The following UBE2R2 variants were observed in gnomAD, a reference collection of about 807,000 sequenced individuals.
The protein encoded by UBE2R2 is ubiquitin-conjugating enzyme E2 R2.
In UBE2R2, 1 loss-of-function variant was observed where a neutral mutation model predicts 27.8. The observed-to-expected ratio is 0.04, with a 90% CI of 0.01 to 0.17. The LOEUF is 0.17. Among genes scored for constraint, UBE2R2 ranks in the 10% least tolerant of loss-of-function variants. The pLI is 1.00. For synonymous variants in UBE2R2, 106 were observed against 113.3 expected (o/e 0.94, Z 0.41); for missense variants, 100 against 291.0 (o/e 0.34, Z 4.78).
intron 1 of UBE2R2, 60 bp downstream of exon 1, chr9:33,817,994 C>T (rs1363445787): frequency 6.4e-7 from 1 of 1,570,762 alleles, no homozygotes; most frequent in Non-Finnish European, 8.6e-7. Context: ...CTCCCCGCCG[C>T]TTTCTGCAGT....
In UBE2R2 at chr9:33,817,286, A is replaced by C. The variant is rs1162337064; in HGVS notation, c.-472A>C. ...GACCCCCGCACGCCGCTCTCCCCCC[A>C]CCCTCTCCTGCCCCGCGCGCCCTCC... is the stretch of plus-strand genomic sequence containing the variant. On this transcript the variant is annotated 5_prime_UTR_variant, in exon 1 of 5. Coordinates refer to ENST00000263228, the MANE Select transcript of UBE2R2 (RefSeq NM_017811.4). Among the ~76,000 whole-genome samples, 6 of 34,876 alleles carry C rather than the reference A, an allele frequency of 1.7e-4. No individual in the cohort carries two copies. Among genetic ancestry groups the C allele is most frequent in the Admixed American group, 3.2e-4 (1 of 3,092 alleles). 22.9% of individuals were successfully genotyped at this position (34,876 alleles called of 152,430 possible). A position where few individuals can be genotyped will look rare whatever the true frequency, so the allele number is the denominator to read the frequency against.
intron 1 of UBE2R2, among the ~76,000 whole-genome samples, chr9:33,821,620 A>ATT (rs879400460): frequency 6.9e-6 from 1 of 145,948 alleles, no homozygotes; most frequent in African/African-American, 2.5e-5. Flanking sequence ...ACAAAAAAAA[A>ATT]TTTTTTTTTT....
chr9:33,885,263 TTA>T (rs1218496136), intron 1 of UBE2R2, among the ~76,000 whole-genome samples: 1 of 152,226 alleles, frequency 6.6e-6, no homozygotes, highest in East Asian at 1.9e-4. Flanking sequence ...TGTCATGGTA[TTA>T]TAGACTCACA....
chr9:33,884,390 C>G (rs1356633486), intron 1 of UBE2R2, among the ~76,000 whole-genome samples: 1 of 149,894 alleles, frequency 6.7e-6, no homozygotes, highest in East Asian at 2.0e-4. Context: ...CTCAAGTGAT[C>G]CTCCCACCTC....
At chr9:33,864,381 T>C (rs926652569) in intron 1 of UBE2R2, among the ~76,000 whole-genome samples, 1 of 152,118 alleles carries the variant, frequency 6.6e-6, no homozygotes, top group Admixed American at 6.5e-5. Flanking sequence ...TCATGAGTTA[T>C]ATATATGTAA....
At chr9:33,816,036 T>G, upstream of UBE2R2, among the ~76,000 whole-genome samples, 1 of 152,120 alleles carries the variant, frequency 6.6e-6, no homozygotes, top group South Asian at 2.1e-4. Flanking sequence ...ATCGCGCCAC[T>G]GTGCTACAGC....
At chr9:33,907,436 G>C (rs897703054) in intron 3 of UBE2R2, among the ~76,000 whole-genome samples, 1 of 152,196 alleles carries the variant, frequency 6.6e-6, no homozygotes, top group African/African-American at 2.4e-5. Context: ...AATGGTGGCA[G>C]TGGGAATTGT....
rs139920778 is a variant in UBE2R2 at position 33,888,378 on chromosome 9, G to A, written c.264+1411G>A. Among the ~76,000 whole-genome samples the A allele has an allele frequency of 2.0e-3, 297 of 151,970 alleles. 1 individual carries two copies. Among genetic ancestry groups the A allele is most frequent in the Middle Eastern group, 0.014 (4 of 292 alleles). ...GGTTTTGCAGTGGTCTCATTTTTTC[G>A]TAGCAGCATCCCAAGCATTGAAATT... On this transcript the variant is annotated intron_variant, in intron 2 of 4. Transcript: ENST00000263228.
chr9:33,827,349 A>C (rs1820336830), intron 1 of UBE2R2, among the ~76,000 whole-genome samples: 1 of 152,022 alleles, frequency 6.6e-6, no homozygotes, highest in Admixed American at 6.6e-5. Flanking sequence ...AGTTAAATTA[A>C]AAATAAATAG....
At chr9:33,903,591 C>T (rs1039778221) in intron 3 of UBE2R2, among the ~76,000 whole-genome samples, 3 of 152,060 alleles carry the variant, frequency 2.0e-5, no homozygotes, top group African/African-American at 7.2e-5. Context: ...TGTCATTTGC[C>T]TTATCTCAGC....
chr9:33,885,418 C>T (rs972505916), intron 1 of UBE2R2, among the ~76,000 whole-genome samples: 10 of 152,192 alleles, frequency 6.6e-5, no homozygotes, highest in Admixed American at 2.0e-4. Flanking sequence ...CCATTGTTTT[C>T]AACAAAGCTG....
intron 1 of UBE2R2, among the ~76,000 whole-genome samples, chr9:33,864,760 T>G (rs1297087709): frequency 5.9e-5 from 9 of 151,498 alleles, no homozygotes. Context: ...GTTTCACTCT[T>G]GTTGCCCAGG....
At chr9:33,823,380 ATT>A (rs147648376) in intron 1 of UBE2R2, among the ~76,000 whole-genome samples, 16 of 149,560 alleles carry the variant, frequency 1.1e-4, no homozygotes, top group Non-Finnish European at 2.1e-4. Context: ...TTGAAAAAAA[ATT>A]TTTTTTTTTC....
intron 1 of UBE2R2, among the ~76,000 whole-genome samples, chr9:33,874,931 G>A (rs1034198464): frequency 6.6e-6 from 1 of 151,994 alleles, no homozygotes; most frequent in Non-Finnish European, 1.5e-5. Flanking sequence ...GCCTCGCAAG[G>A]TGCTGGGATT....
chr9:33,876,346 A>T (rs1360251945), intron 1 of UBE2R2, among the ~76,000 whole-genome samples: 1 of 151,958 alleles, frequency 6.6e-6, no homozygotes, highest in Non-Finnish European at 1.5e-5. Context: ...ACAGAGCAAG[A>T]CTCCATCTCA....
At chr9:33,848,092 A>G (rs1820885701) in intron 1 of UBE2R2, among the ~76,000 whole-genome samples, 1 of 152,002 alleles carries the variant, frequency 6.6e-6, no homozygotes, top group Non-Finnish European at 1.5e-5. Context: ...TCTGTTTTAT[A>G]CTGTCTATCC....
chr9:33,879,302 A>G (rs555089466), intron 1 of UBE2R2, among the ~76,000 whole-genome samples: 1 of 152,294 alleles, frequency 6.6e-6, no homozygotes, highest in East Asian at 1.9e-4. Flanking sequence ...TGAGTTGTAG[A>G]GTCAGGATTC....
intron 1 of UBE2R2, among the ~76,000 whole-genome samples, chr9:33,867,204 T>C (rs1821383851): frequency 6.6e-6 from 1 of 152,166 alleles, no homozygotes; most frequent in Non-Finnish European, 1.5e-5. Context: ...TTTTTTATTT[T>C]TTGAATCTCT....
At chr9:33,887,059 G>C (rs555014173) in intron 2 of UBE2R2, 92 bp downstream of exon 2, 1 of 996,730 alleles carries the variant, frequency 1.0e-6, no homozygotes, top group South Asian at 1.5e-5. Context: ...TTGATACTTA[G>C]GCTTTTGTAG....
Sources: allele counts gnomAD v4.1 joint callset (sites outside exome capture counted in the v4.1 genomes callset), GRCh38; gene constraint gnomAD v4.1.1; transcripts MANE v1.5; gene names NCBI Gene and HGNC (gene_info 2026-07-23, HGNC 2026-07-21).